The following MYT1 variants were observed in gnomAD, a reference collection of about 807,000 sequenced individuals.
MYT1 encodes the protein myelin transcription factor I.
In MYT1, 23 loss-of-function variants were observed where a neutral mutation model predicts 123.0. The ratio of observed to expected loss-of-function variants is 0.19; its 90% CI spans 0.13 to 0.26. MYT1 has a LOEUF of 0.26. MYT1 is among the 10% of genes least tolerant of loss of function. The probability of loss-of-function intolerance (pLI) is 1.00; values close to 1 mark genes in which losing one functional copy is unlikely to be tolerated. For synonymous variants in MYT1, 518 were observed against 575.3 expected, an observed-to-expected ratio of 0.90 and a Z score of 1.43; for missense variants, 1,125 against 1,472.5, an observed-to-expected ratio of 0.76 and a Z score of 3.86.
intron 19 of MYT1, among the ~76,000 whole-genome samples, chr20:64,234,131 A>T (rs1231127437): frequency 6.6e-6 from 1 of 152,234 alleles, no homozygotes; most frequent in Non-Finnish European, 1.5e-5. Context: ...TGCCTCAATC[A>T]ACCTTTACTT....
At chr20:64,170,691 CTTAT>C (rs1234880728) in intron 1 of MYT1, among the ~76,000 whole-genome samples, 2 of 150,518 alleles carry the variant, frequency 1.3e-5, no homozygotes, top group African/African-American at 4.9e-5. Flanking sequence ...TTTTGGCTGG[CTTAT>C]TTAGAGTTTT....
chr20:64,235,918 C>G (rs1156653657), intron 19 of MYT1, among the ~76,000 whole-genome samples: 7 of 138,222 alleles, frequency 5.1e-5, no homozygotes, highest in South Asian at 2.5e-4. Context: ...GGTGGGTGAC[C>G]CTGGGCTGGC....
In MYT1 at chr20:64,218,875, G is replaced by C. The variant is rs1983914602; in HGVS notation, c.1847-36G>C. On this transcript the variant is annotated intron_variant, in intron 11 of 22. Transcript: ENST00000328439. This position sits in a 1 kb window ranked among gnomAD's most constrained non-coding sequence, Gnocchi z 4.0. ...TCTTCCCCCAGGCACAGCCCCTCCAGTAGTTATGTGAGGAGCACTTCATCC... is the reference window on the plus strand; with the variant it reads ...TCTTCCCCCAGGCACAGCCCCTCCACTAGTTATGTGAGGAGCACTTCATCC... 2 of 1,612,516 alleles carry C rather than the reference G, an allele frequency of 1.2e-6. No individual in the cohort carries two copies. The highest frequency in any genetic ancestry group is 1.7e-5 in the Admixed American group (1 of 60,006).
intron 1 of MYT1, among the ~76,000 whole-genome samples, chr20:64,180,229 G>A (rs924531278): frequency 5.3e-5 from 8 of 151,942 alleles, no homozygotes; most frequent in African/African-American, 1.5e-4. Flanking sequence ...ACAGACACAC[G>A]CCACACACAC....
Position 64,196,806 on chromosome 20 carries a change from T to A in MYT1, c.1-2056T>A, listed in dbSNP as rs553100629. 2.0e-5 allele frequency among the ~76,000 whole-genome samples: 3 copies of A among 152,320 alleles called. No homozygotes were observed. The highest frequency in any genetic ancestry group is 7.2e-5 in the African/African-American group (3 of 41,572). Reference sequence around the variant, plus strand: ...CTCTATTCTCTGCTCTTTGAATAATTTATCTGCAGGAAATCCAAATTGCCA... The same window carrying A: ...CTCTATTCTCTGCTCTTTGAATAATATATCTGCAGGAAATCCAAATTGCCA... On this transcript the variant is annotated intron_variant, in intron 2 of 22. Transcript: ENST00000328439. The surrounding 1 kb of genome is among the most constrained non-coding windows in gnomAD (Gnocchi z 4.3).
intron 2 of MYT1, among the ~76,000 whole-genome samples, chr20:64,195,087 G>T (rs1051630020): frequency 6.6e-6 from 1 of 151,734 alleles, no homozygotes; most frequent in Non-Finnish European, 1.5e-5. Context: ...GTAGAGTCAG[G>T]TTTCACCATG....
intron 4 of MYT1, among the ~76,000 whole-genome samples, chr20:64,201,512 C>G (rs968613033): frequency 2.0e-5 from 3 of 152,182 alleles, no homozygotes; most frequent in African/African-American, 7.2e-5. Context: ...AGATTATGTT[C>G]CAAGGAATCA....
Position 64,221,919 on chromosome 20 carries a change from T to C in MYT1, c.2268T>C (p.Ala756=). 6.2e-7 allele frequency: 1 copy of C among 1,613,550 alleles called. No homozygotes were observed. The highest frequency in any genetic ancestry group is 8.5e-7 in the Non-Finnish European group (1 of 1,180,014). Residue 756 remains alanine, a synonymous_variant, in exon 14 of 23, where the codon GCT becomes GCC. Coordinates refer to ENST00000328439, the MANE Select transcript of MYT1 (RefSeq NM_004535.3). ...CAGAGCCAGCAGCCCATTCTTTTGCTTCTTCTGAAGCAGATGACCAGGAAG... is the reference window on the plus strand; with the variant it reads ...CAGAGCCAGCAGCCCATTCTTTTGCCTCTTCTGAAGCAGATGACCAGGAAG... ...EESEPAAHSF[A]SSEADDQEVS...
chr20:64,183,561 A>G (rs1982713504), intron 1 of MYT1, among the ~76,000 whole-genome samples: 1 of 152,136 alleles, frequency 6.6e-6, no homozygotes, highest in Non-Finnish European at 1.5e-5. Flanking sequence ...TTTTAGTGCA[A>G]TGGTATCTGA....
At chr20:64,201,625 G>A (rs1044604024) in intron 4 of MYT1, among the ~76,000 whole-genome samples, 2 of 152,194 alleles carry the variant, frequency 1.3e-5, no homozygotes, top group Admixed American at 1.3e-4. Context: ...GGCTGACTGC[G>A]TGCCCCAGCC....
At chr20:64,183,484 C>T (rs575767627) in intron 1 of MYT1, among the ~76,000 whole-genome samples, 1 of 152,308 alleles carries the variant, frequency 6.6e-6, no homozygotes, top group East Asian at 1.9e-4. Flanking sequence ...TTTACATTCG[C>T]ATCAGCATTC....
chr20:64,179,244 G>A (rs548523276), intron 1 of MYT1, among the ~76,000 whole-genome samples: 18 of 152,238 alleles, frequency 1.2e-4, no homozygotes, highest in African/African-American at 4.1e-4. Context: ...CTTCAACGTG[G>A]GAGCACTGAG....
chr20:64,172,365 C>CA, intron 1 of MYT1, among the ~76,000 whole-genome samples: 1 of 152,302 alleles, frequency 6.6e-6, no homozygotes. Flanking sequence ...TTGTGAAAGC[C>CA]AAAATCCCCA....
chr20:64,219,683 C>T (rs6122275), intron 12 of MYT1, 30 bp from the exon 13 acceptor site: 177 of 1,574,896 alleles, frequency 1.1e-4, no homozygotes, highest in Non-Finnish European at 1.4e-4. Context: ...GGGATGGAAT[C>T]GCTAACAGAT....
Position 64,205,072 on chromosome 20 carries a change from C to T in MYT1, c.124C>T (p.Arg42Trp), listed in dbSNP as rs1568709345. 7 of 1,614,062 alleles carry T rather than the reference C, an allele frequency of 4.3e-6. No individual in the cohort carries two copies. The highest frequency in any genetic ancestry group is 2.2e-5 in the East Asian group (1 of 44,884). ...AGGATGCACAGGCTCAGGGCACGTCCGGGGCAAGTACTCCAGGCACCGAAG... is the reference window on the plus strand; with the variant it reads ...AGGATGCACAGGCTCAGGGCACGTCTGGGGCAAGTACTCCAGGCACCGAAG... Reference protein sequence around the residue: ...TPGCTGSGHVRGKYSRHRSLQ... With the variant: ...TPGCTGSGHVWGKYSRHRSLQ... The change falls in exon 5 of 23, where the codon CGG becomes TGG. Residue 42 changes from arginine to tryptophan, a missense_variant. Physicochemically the swap from Arg to Trp is moderately radical, Grantham distance 101 (BLOSUM62 -3). Coordinates refer to ENST00000328439, the MANE Select transcript of MYT1 (RefSeq NM_004535.3).
At chr20:64,211,075 T>C in intron 7 of MYT1, 131 bp from the exon 8 acceptor site, 1 of 1,017,804 alleles carries the variant, frequency 9.8e-7, no homozygotes, top group East Asian at 2.7e-5. Flanking sequence ...CCAGTCCCTG[T>C]TCAAGCTCAT....
chr20:64,210,244 G>T (rs559005512), intron 7 of MYT1, among the ~76,000 whole-genome samples: 1 of 152,206 alleles, frequency 6.6e-6, no homozygotes, highest in Non-Finnish European at 1.5e-5. Context: ...ACACGGCCCC[G>T]GGTGACACAG....
chr20:64,218,739 C>CAA lies in MYT1; in HGVS notation c.1847-172_1847-171insAA. 5 of 607,286 alleles carry CAA rather than the reference C, an allele frequency of 8.2e-6. No homozygotes were observed. The highest frequency in any genetic ancestry group is 3.7e-5 in the East Asian group (1 of 26,942). 37.6% of individuals were successfully genotyped at this position (607,286 alleles called of 1,614,324 possible). ...ATAGCTGTGCCCTGGGCCCTCCCAT[C>CAA]CCTCCCAAAGTGCCCCCTCCCCACT... On this transcript the variant is annotated intron_variant, in intron 11 of 22. Transcript: ENST00000328439. The surrounding 1 kb of genome is among the most constrained non-coding windows in gnomAD (Gnocchi z 4.0).
intron 14 of MYT1, among the ~76,000 whole-genome samples, chr20:64,222,354 C>T (rs1984033306): frequency 6.6e-6 from 1 of 152,254 alleles, no homozygotes; most frequent in Non-Finnish European, 1.5e-5. Flanking sequence ...TCAGAGAGCT[C>T]TGCAGGAAGC....
Sources: allele counts gnomAD v4.1 joint callset (sites outside exome capture counted in the v4.1 genomes callset), GRCh38; gene constraint gnomAD v4.1.1; non-coding constraint Gnocchi (gnomAD v3.1); transcripts MANE v1.5; gene names NCBI Gene and HGNC (gene_info 2026-07-23, HGNC 2026-07-21).